CNTLN: variants seen among roughly 807,000 people sequenced by gnomAD.
CNTLN encodes the protein centlein, centrosomal protein.
Under a neutral mutation model 180.0 loss-of-function variants are expected in CNTLN, and 212 were observed. The ratio of observed to expected loss-of-function variants is 1.18; its 90% confidence interval spans 1.05 to 1.32. The LOEUF (loss-of-function observed/expected upper bound fraction) is 1.32, where lower values mean the gene tolerates loss of function less well. Ranked by LOEUF, CNTLN falls within the 40% of genes most tolerant of loss-of-function variation. CNTLN has a pLI of 0.00. For missense variants in CNTLN, 2,095 were observed against 1,610.9 expected (o/e 1.30, Z -5.14); for synonymous variants, 722 against 563.1 (o/e 1.28, Z -3.99).
chr9:17,470,303 C>T (rs1034206598), intron 23 of CNTLN, among the ~76,000 whole-genome samples: 1 of 151,642 alleles, frequency 6.6e-6, no homozygotes, highest in Non-Finnish European at 1.5e-5. Context: ...CCTTAATGAG[C>T]GTAGTTAAGG....
rs544232983 is a variant in CNTLN, at chr9:17,209,195, T to G, written c.450-17008T>G. ...TTCTTCATCGTCATTCAAGAGCATA[T>G]TGTTTAATTTTCATGTGTTTTTAGA... On this transcript the variant is annotated intron_variant, in intron 2 of 25. Coordinates refer to ENST00000380647, the MANE Select transcript of CNTLN (RefSeq NM_017738.4). 3.3e-5 allele frequency among the ~76,000 whole-genome samples: 5 copies of G among 152,310 alleles called. No homozygotes were observed. In the East Asian group the frequency reaches 9.6e-4, roughly 29 times the overall value.
intron 18 of CNTLN, among the ~76,000 whole-genome samples, chr9:17,446,459 C>G (rs1036368120): frequency 1.3e-5 from 2 of 152,198 alleles, no homozygotes; most frequent in African/African-American, 4.8e-5. Flanking sequence ...GATCTTTAGC[C>G]TTTGACTCTA....
chr9:17,379,339 A>C (rs1587829932), intron 13 of CNTLN, among the ~76,000 whole-genome samples: 1 of 151,958 alleles, frequency 6.6e-6, no homozygotes, highest in East Asian at 1.9e-4. Flanking sequence ...TAAGGTTCTC[A>C]GGTCTGTACA....
intron 5 of CNTLN, among the ~76,000 whole-genome samples, chr9:17,265,622 C>T (rs11536700): frequency 0.23 from 34,898 of 151,772 alleles, 4,667 homozygotes; most frequent in South Asian, 0.36. Flanking sequence ...GGTACCAGCT[C>T]CTCTTTGTAC....
intron 6 of CNTLN, among the ~76,000 whole-genome samples, chr9:17,285,094 G>A (rs553195019): frequency 1.3e-5 from 2 of 149,670 alleles, no homozygotes; most frequent in East Asian, 2.0e-4. Context: ...ATGCTGGTGC[G>A]CTGCACCCAC....
chr9:17,236,349 T>G, intron 4 of CNTLN, 60 bp from the exon 5 acceptor site: 1 of 1,398,582 alleles, frequency 7.2e-7, no homozygotes, highest in Non-Finnish European at 9.5e-7. Flanking sequence ...TGCTCACCAT[T>G]TTTTGGGTTT....
chr9:17,348,262 G>A (rs949202521), intron 12 of CNTLN, among the ~76,000 whole-genome samples: 2 of 152,154 alleles, frequency 1.3e-5, no homozygotes, highest in Non-Finnish European at 2.9e-5. Context: ...TTGAAAAATC[G>A]TTAAGGAGAA....
chr9:17,265,782 G>T (rs145141685), intron 5 of CNTLN, among the ~76,000 whole-genome samples: 6 of 152,024 alleles, frequency 3.9e-5, no homozygotes, highest in South Asian at 2.1e-4. Context: ...TGTATGTGTC[G>T]AGGAATTTAT....
intron 12 of CNTLN, among the ~76,000 whole-genome samples, chr9:17,344,357 T>C (rs1287719328): frequency 6.6e-6 from 1 of 152,216 alleles, no homozygotes; most frequent in Non-Finnish European, 1.5e-5. Flanking sequence ...ATTTGTGAAA[T>C]AGTTATTTTT....
intron 13 of CNTLN, among the ~76,000 whole-genome samples, chr9:17,378,931 T>C (rs111793879): frequency 9.2e-5 from 14 of 152,324 alleles, no homozygotes; most frequent in African/African-American, 3.4e-4. Flanking sequence ...TTCTTTAATA[T>C]TTCTTAGAGT....
Position 17,223,124 on chromosome 9 carries a change from A to T in CNTLN, c.450-3079A>T, listed in dbSNP as rs188862052. Among the ~76,000 whole-genome samples, 19 of 152,158 alleles carry T rather than the reference A, an allele frequency of 1.2e-4. No individual in the cohort carries two copies. The East Asian group carries it at 3.7e-3, about 30-fold the overall frequency. The stretch of plus-strand genomic sequence containing the variant: ...TATAGCATGGATACTTTCGACAAAG[A>T]GATGATTCATGTCCTACGTGAGTTG... On this transcript the variant is annotated intron_variant, in intron 2 of 25. Transcript: ENST00000380647.
chr9:17,356,123 A>AT (rs1420760789), intron 12 of CNTLN, among the ~76,000 whole-genome samples: 1 of 152,110 alleles, frequency 6.6e-6, no homozygotes, highest in African/African-American at 2.4e-5. Context: ...ATTGCATATC[A>AT]TAAGTCAAGA....
chr9:17,259,994 T>C (rs546409448), intron 5 of CNTLN, among the ~76,000 whole-genome samples: 5 of 140,054 alleles, frequency 3.6e-5, no homozygotes, highest in Non-Finnish European at 3.0e-5. Context: ...GCTCTGATGT[T>C]AGTTATTTCT....
At chr9:17,155,402 A>T (rs1819205224) in intron 2 of CNTLN, among the ~76,000 whole-genome samples, 1 of 152,092 alleles carries the variant, frequency 6.6e-6, no homozygotes, top group African/African-American at 2.4e-5. Flanking sequence ...TCAGACAGGG[A>T]TGTTTAAGTC....
intron 3 of CNTLN, 51 bp from the exon 4 acceptor site, chr9:17,235,607 T>C (rs773610353): frequency 1.4e-6 from 2 of 1,387,700 alleles, no homozygotes; most frequent in Non-Finnish European, 2.0e-6. Context: ...AATAAAATAC[T>C]GTTTTTCTTA....
chr9:17,293,700 T>A (rs1817577565), intron 6 of CNTLN, among the ~76,000 whole-genome samples: 1 of 152,176 alleles, frequency 6.6e-6, no homozygotes, highest in Admixed American at 6.5e-5. Flanking sequence ...CCCCGGGAAC[T>A]CAGGCATCTT....
intron 7 of CNTLN, chr9:17,300,301 A>G (rs888684817): frequency 4.1e-4 from 62 of 152,134 alleles, no homozygotes; most frequent in African/African-American, 1.3e-3. Context: ...TGTATGCTCT[A>G]CCTGTGTCTA....
intron 2 of CNTLN, among the ~76,000 whole-genome samples, chr9:17,145,637 C>T (rs1055439188): frequency 6.6e-6 from 1 of 152,170 alleles, no homozygotes; most frequent in Non-Finnish European, 1.5e-5. Context: ...ATTTGTATAA[C>T]AGGCTGAGAA....
At chr9:17,464,348 T>C (rs975475265) in intron 20 of CNTLN, 149 bp from the exon 21 acceptor site, 6 of 579,456 alleles carry the variant, frequency 1.0e-5, no homozygotes, top group Non-Finnish European at 1.5e-5. Flanking sequence ...CAATATCTTA[T>C]GCAGTGCAAT....
Sources: allele counts gnomAD v4.1 joint callset (sites outside exome capture counted in the v4.1 genomes callset), GRCh38; gene constraint gnomAD v4.1.1; transcripts MANE v1.5; gene names NCBI Gene and HGNC (gene_info 2026-07-23, HGNC 2026-07-21).